The following HDAC9 variants were observed in gnomAD, a reference collection of about 807,000 sequenced individuals.
HDAC9 encodes histone deacetylase 9, also known as MEF-2 interacting transcription repressor (MITR) protein.
HDAC9 carries 41 observed loss-of-function variants against 139.4 expected under a neutral mutation model. The observed-to-expected ratio is 0.29, with a 90% CI of 0.23 to 0.38. The LOEUF is 0.38. Among genes scored for constraint, HDAC9 ranks in the 10% least tolerant of loss-of-function variants. The probability of loss-of-function intolerance (pLI) is 1.00; values close to 1 mark genes in which losing one functional copy is unlikely to be tolerated. For synonymous variants in HDAC9, 517 were observed against 476.2 expected (o/e 1.09, Z -1.12); for missense variants, 1,147 against 1,297.0 (o/e 0.88, Z 1.78).
At chr7:18,273,373 C>T (rs367999692) in intron 2 of HDAC9, among the ~76,000 whole-genome samples, 1 of 152,012 alleles carries the variant, frequency 6.6e-6, no homozygotes. Flanking sequence ...CCAGCCTAGA[C>T]TTCTTATAAA....
chr7:18,473,245 T>G (rs563412348), intron 1 of HDAC9, among the ~76,000 whole-genome samples: 1 of 152,332 alleles, frequency 6.6e-6, no homozygotes, highest in Admixed American at 6.5e-5. Flanking sequence ...TCAGCATGTT[T>G]GTAGGGTTCA....
At chr7:18,850,626 T>G (rs1422077736) in intron 21 of HDAC9, among the ~76,000 whole-genome samples, 1 of 152,196 alleles carries the variant, frequency 6.6e-6, no homozygotes, top group African/African-American at 2.4e-5. Context: ...ATTATTCACA[T>G]GTCTAGAATA....
intron 16 of HDAC9, among the ~76,000 whole-genome samples, chr7:18,781,550 CT>C (rs1444899334): frequency 6.6e-6 from 1 of 152,080 alleles, no homozygotes; most frequent in Non-Finnish European, 1.5e-5. Flanking sequence ...AAGATATTTA[CT>C]TTTTGCTTTC....
chr7:18,724,853 C>T (rs1369169006), intron 12 of HDAC9, among the ~76,000 whole-genome samples: 2 of 152,052 alleles, frequency 1.3e-5, no homozygotes, highest in African/African-American at 4.8e-5. Flanking sequence ...GAAATAGTTA[C>T]TGCATGCAAT....
intron 17 of HDAC9, 77 bp from the exon 18 acceptor site, chr7:18,829,084 T>A: frequency 1.0e-6 from 1 of 989,890 alleles, no homozygotes. Flanking sequence ...GGCACTGTTG[T>A]GCCTGGAGAT....
intron 1 of HDAC9, among the ~76,000 whole-genome samples, chr7:18,353,597 T>C (rs1226123312): frequency 1.4e-4 from 22 of 152,170 alleles, no homozygotes; most frequent in Admixed American, 1.4e-3. Context: ...GAATCCTCTA[T>C]GAGGTAATTG....
intron 2 of HDAC9, among the ~76,000 whole-genome samples, chr7:18,548,160 C>G (rs1815805488): frequency 6.6e-6 from 1 of 151,992 alleles, no homozygotes. Flanking sequence ...TGAGGAGAGG[C>G]AGAGAGTCAG....
intron 25 of HDAC9, 61 bp downstream of exon 25, chr7:18,976,014 T>C: frequency 7.8e-6 from 12 of 1,533,620 alleles, no homozygotes; most frequent in Non-Finnish European, 1.1e-5. Context: ...TCGTTGATAT[T>C]TGTGAATCTT....
At chr7:18,693,550 T>C (rs1229216015) in intron 12 of HDAC9, among the ~76,000 whole-genome samples, 1 of 152,148 alleles carries the variant, frequency 6.6e-6, no homozygotes, top group South Asian at 2.1e-4. Context: ...AGAGAACAGA[T>C]GCTTCTGGTG....
chr7:18,338,423 C>T (rs991329697), intron 1 of HDAC9, among the ~76,000 whole-genome samples: 3 of 151,548 alleles, frequency 2.0e-5, no homozygotes, highest in African/African-American at 4.8e-5. Flanking sequence ...GCTCAAGGTA[C>T]GTAGCAGGTA....
chr7:18,168,173 T>C (rs1227116343), intron 2 of HDAC9, among the ~76,000 whole-genome samples: 2 of 152,200 alleles, frequency 1.3e-5, no homozygotes, highest in African/African-American at 4.8e-5. Context: ...AATTAGTGTT[T>C]AAAAATAATG....
intron 15 of HDAC9, among the ~76,000 whole-genome samples, chr7:18,765,271 G>C (rs1212602928): frequency 6.6e-6 from 1 of 151,916 alleles, no homozygotes; most frequent in Admixed American, 6.6e-5. Flanking sequence ...TCCCAAGTAG[G>C]ATACTTATTT....
At chr7:18,863,257 GC>G (rs1465544955) in intron 21 of HDAC9, among the ~76,000 whole-genome samples, 2 of 152,084 alleles carry the variant, frequency 1.3e-5, no homozygotes, top group Non-Finnish European at 2.9e-5. Context: ...ACCAGAGAGG[GC>G]ATCACTGGGT....
chr7:18,955,806 G>A (rs951492402), intron 24 of HDAC9, among the ~76,000 whole-genome samples: 1 of 152,090 alleles, frequency 6.6e-6, no homozygotes, highest in African/African-American at 2.4e-5. Context: ...GCTTGACGGT[G>A]ATATAGCCTG....
At chr7:18,553,836 G>A (rs1817892903) in intron 2 of HDAC9, among the ~76,000 whole-genome samples, 1 of 152,198 alleles carries the variant, frequency 6.6e-6, no homozygotes, top group Non-Finnish European at 1.5e-5. Flanking sequence ...ATAGTAAATA[G>A]TGGAGTAAAT....
chr7:18,954,181 C>A lies in HDAC9; in HGVS notation c.2973C>A (p.Ser991Arg). ...EPLAEDILHQ[S>R]PNMNAVISLQ... ...TTGCAGAAGATATTCTCCACCAAAG[C>A]CCGAATATGAATGCTGTTATTTCTT... The change falls in exon 24 of 26, where the codon AGC becomes AGA. Residue 991 changes from serine to arginine, a missense_variant. By Grantham distance (110) the Ser-to-Arg change is moderately radical. Coordinates refer to ENST00000686413, the MANE Select transcript of HDAC9 (RefSeq NM_178425.4). 1.3e-6 allele frequency: 2 copies of A among 1,572,910 alleles called. No homozygotes were observed. The highest frequency in any genetic ancestry group is 2.7e-5 in the African/African-American group (2 of 74,124).
intron 1 of HDAC9, among the ~76,000 whole-genome samples, chr7:18,427,649 C>T (rs1382120032): frequency 6.6e-6 from 1 of 151,558 alleles, no homozygotes; most frequent in Non-Finnish European, 1.5e-5. Context: ...TCCTTAATCC[C>T]CTTCCCCTCC....
At chr7:18,257,401 C>CACACACACACACACACA (rs1795338037) in intron 2 of HDAC9, among the ~76,000 whole-genome samples, 18 of 130,956 alleles carry the variant, frequency 1.4e-4, no homozygotes, top group African/African-American at 5.2e-4. Context: ...TCTGTCTCTC[C>CACACACACACACACACA]CACACACACA....
chr7:18,519,575 G>T (rs1804337460), intron 2 of HDAC9, among the ~76,000 whole-genome samples: 1 of 152,082 alleles, frequency 6.6e-6, no homozygotes, highest in South Asian at 2.1e-4. Flanking sequence ...AACATTATGG[G>T]AGTAAAAATA....
Sources: allele counts gnomAD v4.1 joint callset (sites outside exome capture counted in the v4.1 genomes callset), GRCh38; gene constraint gnomAD v4.1.1; transcripts MANE v1.5; gene names NCBI Gene and HGNC (gene_info 2026-07-23, HGNC 2026-07-21).